Variants in CLDN10 observed in about 807,000 individuals in gnomAD.
The protein encoded by CLDN10 is claudin 10.
A neutral mutation model predicts 22.9 loss-of-function variants in CLDN10; 15 were observed. The ratio of observed to expected loss-of-function variants is 0.65; its 90% confidence interval spans 0.44 to 1.01. The LOEUF is 1.01. Ranked by LOEUF, CLDN10 falls within the 50% of genes least tolerant of loss-of-function variation. CLDN10 has a pLI of 0.00. For synonymous variants in CLDN10, 114 were observed against 111.4 expected (o/e 1.02, Z -0.15); for missense variants, 247 against 287.8 (o/e 0.86, Z 1.03).
chr13:95,473,943 C>T (rs1171997285), intron 1 of CLDN10, among the ~76,000 whole-genome samples: 2 of 152,202 alleles, frequency 1.3e-5, no homozygotes, highest in Middle Eastern at 3.2e-3. Flanking sequence ...AATAGAACAG[C>T]GGTCCCCAAC....
At chr13:95,557,488 A>T (rs1372640469) in intron 1 of CLDN10, among the ~76,000 whole-genome samples, 2 of 152,184 alleles carry the variant, frequency 1.3e-5, no homozygotes, top group Non-Finnish European at 2.9e-5. Flanking sequence ...CATTACATTT[A>T]TGGCTGGCAG....
In CLDN10 at chr13:95,542,245, A is replaced by G. The variant is rs187218800; in HGVS notation, c.215-17887A>G. 1.4e-3 allele frequency among the ~76,000 whole-genome samples: 206 copies of G among 152,288 alleles called. 2 individuals carry two copies. Among genetic ancestry groups the G allele is most frequent in the African/African-American group, 4.7e-3 (196 of 41,572 alleles). On this transcript the variant is annotated intron_variant, in intron 1 of 4. Transcript: ENST00000376873. Reference sequence around the variant, plus strand: ...ATCCAGTCACCTCCCATCAGGCCCCACCTCCAATACCGGGAATTACAATTC... The same window carrying G: ...ATCCAGTCACCTCCCATCAGGCCCCGCCTCCAATACCGGGAATTACAATTC...
At chr13:95,471,440 C>CACACACACATATAT (rs746573300) in intron 1 of CLDN10, among the ~76,000 whole-genome samples, 79 of 104,348 alleles carry the variant, frequency 7.6e-4, no homozygotes, top group Middle Eastern at 0.012. Flanking sequence ...CACACACACA[C>CACACACACATATAT]ATATATATAT....
chr13:95,509,965 T>C (rs1257938603), intron 1 of CLDN10, among the ~76,000 whole-genome samples: 2 of 152,232 alleles, frequency 1.3e-5, no homozygotes, highest in African/African-American at 2.4e-5. Context: ...GGGAGCTGAT[T>C]TGTAGCATTT....
At chr13:95,530,588 A>G (rs2043331615) in intron 1 of CLDN10, among the ~76,000 whole-genome samples, 1 of 152,222 alleles carries the variant, frequency 6.6e-6, no homozygotes. Context: ...CCCAAATTTC[A>G]TAAAGGAGAA....
intron 1 of CLDN10, among the ~76,000 whole-genome samples, chr13:95,445,545 A>C (rs2042366385): frequency 6.6e-6 from 1 of 152,248 alleles, no homozygotes; most frequent in Non-Finnish European, 1.5e-5. Context: ...GAGAGGGGTC[A>C]AGGATGTCTC....
Position 95,438,975 on chromosome 13 carries a change from C to CAAAA in CLDN10, c.214+4948_214+4951dup, listed in dbSNP as rs397851895. ...TGGGTGACAGAGCAAGACTCCATCGCAAAAAAAAAAAAAAAAAAAAAAAGC... is the reference window on the plus strand; with the variant it reads ...TGGGTGACAGAGCAAGACTCCATCGCAAAAAAAAAAAAAAAAAAAAAAAAAAAGC... On this transcript the variant is annotated intron_variant, in intron 1 of 4. Coordinates refer to the CLDN10 transcript ENST00000376873. Among the ~76,000 whole-genome samples the CAAAA allele has an allele frequency of 3.1e-4, 19 of 62,212 alleles. 1 individual carries two copies. Among genetic ancestry groups the CAAAA allele is most frequent in the African/African-American group, 6.5e-4 (10 of 15,326 alleles). 40.8% of individuals were successfully genotyped at this position (62,212 alleles called of 152,430 possible). A position where few individuals can be genotyped will look rare whatever the true frequency, so the allele number is the denominator to read the frequency against.
At chr13:95,465,293 C>T (rs2042573068) in intron 1 of CLDN10, among the ~76,000 whole-genome samples, 1 of 152,168 alleles carries the variant, frequency 6.6e-6, no homozygotes. Flanking sequence ...CCTCCCACAA[C>T]ACGTGGGAAT....
In CLDN10 at chr13:95,513,978, C is replaced by T. The variant is rs916095751; in HGVS notation, c.215-46154C>T. Among the ~76,000 whole-genome samples the T allele has an allele frequency of 2.0e-5, 3 of 152,190 alleles. 1 individual carries two copies. The highest frequency in any genetic ancestry group is 7.2e-5 in the African/African-American group (3 of 41,440). On this transcript the variant is annotated intron_variant, in intron 1 of 4. Coordinates refer to the CLDN10 transcript ENST00000376873. ...GCTTCAGAACTCTTCCAGCCTATTA[C>T]CAGGCATGGTGGCTCATGCCTATAA...
chr13:95,557,425 C>G (rs932412262), intron 1 of CLDN10, among the ~76,000 whole-genome samples: 1 of 152,104 alleles, frequency 6.6e-6, no homozygotes, highest in Admixed American at 6.5e-5. Flanking sequence ...GTTGTAAGGA[C>G]TGGTAGCCTT....
At chr13:95,532,792 C>CAGA (rs2043358003) in intron 1 of CLDN10, among the ~76,000 whole-genome samples, 1 of 62,022 alleles carries the variant, frequency 1.6e-5, no homozygotes, top group Non-Finnish European at 2.8e-5. Context: ...CTCAATTCAG[C>CAGA]AAAAAAAAAA....
At chr13:95,561,380 G>C (rs1460814812) in intron 3 of CLDN10, among the ~76,000 whole-genome samples, 1 of 152,062 alleles carries the variant, frequency 6.6e-6, no homozygotes, top group Non-Finnish European at 1.5e-5. Flanking sequence ...TCTAGTTCTG[G>C]CTTAAGTGTA....
intron 1 of CLDN10, among the ~76,000 whole-genome samples, chr13:95,511,990 C>G (rs1220114842): frequency 7.6e-6 from 1 of 130,914 alleles, no homozygotes; most frequent in Non-Finnish European, 1.7e-5. Flanking sequence ...CTAATGCTAT[C>G]CCCCCCCTCT....
intron 1 of CLDN10, among the ~76,000 whole-genome samples, chr13:95,513,279 C>T (rs1478073511): frequency 6.6e-6 from 1 of 152,194 alleles, no homozygotes; most frequent in Non-Finnish European, 1.5e-5. Flanking sequence ...TTACTATTTA[C>T]ATATCCCCTG....
chr13:95,484,700 A>C (rs1288680115), intron 1 of CLDN10, among the ~76,000 whole-genome samples: 1 of 150,158 alleles, frequency 6.7e-6, no homozygotes, highest in East Asian at 2.0e-4. Context: ...AAAAAAAAAA[A>C]AAAAAACCCA....
upstream of CLDN10, among the ~76,000 whole-genome samples, chr13:95,550,494 G>A (rs1280900518): frequency 3.3e-5 from 5 of 152,080 alleles, no homozygotes; most frequent in Admixed American, 6.5e-5. Context: ...GGCGAGCCAC[G>A]GTAAACAAAG....
chr13:95,445,039 G>A (rs2042359250), intron 1 of CLDN10, among the ~76,000 whole-genome samples: 1 of 152,230 alleles, frequency 6.6e-6, no homozygotes, highest in Non-Finnish European at 1.5e-5. Flanking sequence ...GCCTCCCAAA[G>A]TGCTGGGATT....
At chr13:95,511,767 CT>C (rs71113940) in intron 1 of CLDN10, among the ~76,000 whole-genome samples, 99 of 26,092 alleles carry the variant, frequency 3.8e-3, no homozygotes, top group African/African-American at 7.4e-3. Flanking sequence ...ATTCTCTCTC[CT>C]TTTTTTTTTT....
chr13:95,436,310 A>C (rs1049526664), intron 1 of CLDN10, among the ~76,000 whole-genome samples: 1 of 152,012 alleles, frequency 6.6e-6, no homozygotes, highest in African/African-American at 2.4e-5. Flanking sequence ...CAGCCTCCCA[A>C]GTAGCTGGGA....
Sources: allele counts gnomAD v4.1 joint callset (sites outside exome capture counted in the v4.1 genomes callset), GRCh38; gene constraint gnomAD v4.1.1; transcripts MANE v1.5; gene names NCBI Gene and HGNC (gene_info 2026-07-23, HGNC 2026-07-21).